Variants in YY1 observed in about 807,000 individuals in gnomAD.
YY1 encodes the protein YY1 transcription factor.
Under a neutral mutation model 35.6 loss-of-function variants are expected in YY1, and 2 were observed. That is an observed-to-expected ratio of 0.06 (90% CI 0.02 to 0.18). The LOEUF (loss-of-function observed/expected upper bound fraction) is 0.18, where lower values mean the gene tolerates loss of function less well. YY1 is among the 10% of genes least tolerant of loss of function. The pLI, the probability that YY1 is intolerant of heterozygous loss-of-function variation, is 1.00. For synonymous variants in YY1, 268 were observed against 238.9 expected, an observed-to-expected ratio of 1.12 and a Z score of -1.12; for missense variants, 322 against 573.4, an observed-to-expected ratio of 0.56 and a Z score of 4.48.
chr14:100,251,315 G>A (rs1890921137), intron 1 of YY1, among the ~76,000 whole-genome samples: 1 of 152,182 alleles, frequency 6.6e-6, no homozygotes, highest in South Asian at 2.1e-4. Context: ...AAGAGAAGGG[G>A]TCAAGGAATG....
intron 2 of YY1, among the ~76,000 whole-genome samples, chr14:100,271,143 A>C (rs999246657): frequency 2.0e-5 from 3 of 152,126 alleles, no homozygotes; most frequent in African/African-American, 7.2e-5. Flanking sequence ...ACTACTCGGG[A>C]GGCTGAGGCA....
chr14:100,260,473 T>A (rs1891067919), intron 1 of YY1, among the ~76,000 whole-genome samples: 1 of 67,914 alleles, frequency 1.5e-5, no homozygotes, highest in South Asian at 4.0e-4. Context: ...ATATGTATTT[T>A]TTTTTTTTTT....
intron 2 of YY1, among the ~76,000 whole-genome samples, chr14:100,272,934 C>T (rs142248602): frequency 1.3e-4 from 19 of 150,532 alleles, no homozygotes; most frequent in South Asian, 4.2e-4. Context: ...AGAGTAGTGG[C>T]CCCCAGCTAG....
chr14:100,270,869 C>A (rs1024582988), intron 2 of YY1, among the ~76,000 whole-genome samples: 2 of 151,938 alleles, frequency 1.3e-5, no homozygotes, highest in African/African-American at 4.8e-5. Context: ...AACCACATCT[C>A]TACAAAAACA....
chr14:100,245,205 G>C (rs1890814834), intron 1 of YY1, among the ~76,000 whole-genome samples: 1 of 152,110 alleles, frequency 6.6e-6, no homozygotes, highest in African/African-American at 2.4e-5. Flanking sequence ...CAAAGTGCTG[G>C]GATTACAGGC....
chr14:100,264,459 A>G (rs1050814331), intron 2 of YY1, among the ~76,000 whole-genome samples: 4 of 152,196 alleles, frequency 2.6e-5, no homozygotes, highest in Non-Finnish European at 5.9e-5. Context: ...GACGTGAGCC[A>G]CTGCACCCAG....
intron 2 of YY1, 116 bp from the exon 3 acceptor site, chr14:100,274,582 A>G: frequency 1.2e-6 from 1 of 821,548 alleles, no homozygotes; most frequent in East Asian, 2.5e-5. Flanking sequence ...ATGGAAATGT[A>G]TCATAATTTT....
At chr14:100,248,737 GA>G (rs1174638515) in intron 1 of YY1, among the ~76,000 whole-genome samples, 1 of 148,408 alleles carries the variant, frequency 6.7e-6, no homozygotes, top group Non-Finnish European at 1.5e-5. Flanking sequence ...ACCCAGGCTG[GA>G]GTGCACTGGC....
Position 100,277,115 on chromosome 14 carries a change from C to A in YY1, c.1063-303C>A, listed in dbSNP as rs1240332708. On this transcript the variant is annotated intron_variant, in intron 4 of 4. Coordinates refer to ENST00000262238, the MANE Select transcript of YY1 (RefSeq NM_003403.5). The surrounding 1 kb of genome is among the most constrained non-coding windows in gnomAD (Gnocchi z 5.6). ...CTTTTTTGACAACTGACACCAGAAC[C>A]CTTAATCATTTGTATTTTACTGTTG... is the stretch of plus-strand genomic sequence containing the variant. The A allele has an allele frequency of 1.2e-5, 6 of 489,666 alleles. No individual in the cohort carries two copies. Among genetic ancestry groups the A allele is most frequent in the Non-Finnish European group, 1.9e-5 (5 of 270,004 alleles). The allele number at this position is 489,666 out of a possible 1,614,324, so 30.3% of individuals were successfully genotyped here. A position where few individuals can be genotyped will look rare whatever the true frequency, so the allele number is the denominator to read the frequency against.
intron 2 of YY1, among the ~76,000 whole-genome samples, chr14:100,266,637 C>CAG (rs1891160918): frequency 6.6e-6 from 1 of 152,194 alleles, no homozygotes; most frequent in East Asian, 1.9e-4. Context: ...ACCCGGGTAC[C>CAG]AGATAGCCAT....
chr14:100,273,037 C>T (rs189597963), intron 2 of YY1, among the ~76,000 whole-genome samples: 14 of 150,326 alleles, frequency 9.3e-5, no homozygotes, highest in Admixed American at 3.4e-4. Flanking sequence ...TCCCGGCTCA[C>T]GGCAACCTCC....
At chr14:100,272,817 A>G (rs541312900) in intron 2 of YY1, among the ~76,000 whole-genome samples, 1 of 151,930 alleles carries the variant, frequency 6.6e-6, no homozygotes, top group Admixed American at 6.6e-5. Context: ...TTCTTTCCCT[A>G]CTAAGTCCCC....
rs745390388 is a variant in YY1 at position 100,274,680 on chromosome 14, T to C, written c.843-18T>C. 13 of 1,610,068 alleles carry C rather than the reference T, an allele frequency of 8.1e-6. No homozygotes were observed. The highest frequency in any genetic ancestry group is 9.4e-6 in the Non-Finnish European group (11 of 1,176,444). ...CCACTCCTACAAATCTGTCTGTCTC[T>C]CTTTTTCTTTTGATAAGAATGAAGC... On this transcript the variant is annotated intron_variant, in intron 2 of 4. Coordinates refer to ENST00000262238, the MANE Select transcript of YY1 (RefSeq NM_003403.5).
chr14:100,244,480 G>A (rs535983169), intron 1 of YY1, among the ~76,000 whole-genome samples: 2 of 150,756 alleles, frequency 1.3e-5, no homozygotes, highest in African/African-American at 4.9e-5. Context: ...ACGAAGTTTC[G>A]CCATGTTGCC....
intron 1 of YY1, among the ~76,000 whole-genome samples, chr14:100,261,858 C>T (rs57528280): frequency 0.017 from 2,542 of 152,156 alleles, 59 homozygotes; most frequent in African/African-American, 0.058. Context: ...AGTGAAAAGC[C>T]GAAATCTAGG....
intron 2 of YY1, among the ~76,000 whole-genome samples, chr14:100,267,600 T>G (rs1340714750): frequency 6.6e-6 from 1 of 151,960 alleles, no homozygotes; most frequent in Non-Finnish European, 1.5e-5. Context: ...CTCAGCTCAC[T>G]GCAGCCTCTG....
In YY1 at chr14:100,260,771, CTTTTTTTTTTTTTTTTTTTTT is replaced by C. The variant is rs71113254; in HGVS notation, c.680-1514_680-1494del. ...CAGGTGTGAGCCACCGTGCCTGGTCCTTTTTTTTTTTTTTTTTTTTTTTTTTTTTTTTTTTTTTTGGAGGCA... is the reference window on the plus strand; with the variant it reads ...CAGGTGTGAGCCACCGTGCCTGGTCCTTTTTTTTTTTTTTTTTTGGAGGCA... On this transcript the variant is annotated intron_variant, in intron 1 of 4. Coordinates refer to ENST00000262238, the MANE Select transcript of YY1 (RefSeq NM_003403.5). 1.5e-3 allele frequency among the ~76,000 whole-genome samples: 64 copies of C among 42,568 alleles called. 1 individual carries two copies. Among genetic ancestry groups the C allele is most frequent in the East Asian group, 0.012 (17 of 1,382 alleles). 27.9% of individuals were successfully genotyped at this position (42,568 alleles called of 152,430 possible). A position where few individuals can be genotyped will look rare whatever the true frequency, so the allele number is the denominator to read the frequency against.
intron 2 of YY1, among the ~76,000 whole-genome samples, chr14:100,270,878 C>G (rs1368933508): frequency 2.0e-5 from 3 of 151,746 alleles, no homozygotes; most frequent in Non-Finnish European, 4.4e-5. Context: ...TCTACAAAAA[C>G]AAAATAAAAC....
At position 100,276,116 on chromosome 14, in the gene YY1, A is replaced by T; in HGVS notation, c.904-374A>T. The T allele has an allele frequency of 3.1e-6, 1 of 326,168 alleles. No homozygotes were observed. The highest frequency in any genetic ancestry group is 5.9e-6 in the Non-Finnish European group (1 of 169,224). The allele number at this position is 326,168 out of a possible 1,614,324, so 20.2% of individuals were successfully genotyped here. ...GTCATTTTAACTCCATTTGCTTAGC[A>T]GTGCTTCTGTTACTTCATTTTGGGG... On this transcript the variant is annotated intron_variant, in intron 3 of 4. Coordinates refer to ENST00000262238, the MANE Select transcript of YY1 (RefSeq NM_003403.5). This position sits in a 1 kb window ranked among gnomAD's most constrained non-coding sequence, Gnocchi z 4.1.
Sources: allele counts gnomAD v4.1 joint callset (sites outside exome capture counted in the v4.1 genomes callset), GRCh38; gene constraint gnomAD v4.1.1; non-coding constraint Gnocchi (gnomAD v3.1); transcripts MANE v1.5; gene names NCBI Gene and HGNC (gene_info 2026-07-23, HGNC 2026-07-21).